SLC12A5: variants seen among roughly 807,000 people sequenced by gnomAD.
SLC12A5 encodes the protein K-Cl cotransporter 2.
Under a neutral mutation model 124.0 loss-of-function variants are expected in SLC12A5, and 18 were observed. The ratio of observed to expected loss-of-function variants is 0.15; its 90% CI spans 0.10 to 0.22. SLC12A5 has a LOEUF of 0.22. Among genes scored for constraint, SLC12A5 ranks in the 10% least tolerant of loss-of-function variants. The pLI, the probability that SLC12A5 is intolerant of heterozygous loss-of-function variation, is 1.00. For synonymous variants in SLC12A5, 589 were observed against 568.0 expected (o/e 1.04, Z -0.53); for missense variants, 867 against 1,478.7 (o/e 0.59, Z 6.78).
chr20:46,046,077 C>T, intron 13 of SLC12A5, 81 bp downstream of exon 13: 2 of 1,335,502 alleles, frequency 1.5e-6, no homozygotes, highest in Non-Finnish European at 2.1e-6. Flanking sequence ...CTGTGACAAC[C>T]CACCCAGACA....
At position 46,040,665 on chromosome 20, in the gene SLC12A5, C is replaced by T. The variant is rs188211025; in HGVS notation, c.854+51C>T. On this transcript the variant is annotated intron_variant, in intron 7 of 25. Transcript: ENST00000243964. ...GGAATCGTCCTCCTACCTCCCTGGC[C>T]CTGTTTCAGAGTCTCTGCCAAACTC... 6 of 1,597,690 alleles carry T rather than the reference C, an allele frequency of 3.8e-6. No homozygotes were observed. In the East Asian group the frequency reaches 1.3e-4, roughly 36 times the overall value.
intron 1 of SLC12A5, among the ~76,000 whole-genome samples, chr20:46,031,256 C>T (rs530069856): frequency 6.6e-6 from 1 of 152,328 alleles, no homozygotes; most frequent in South Asian, 2.1e-4. Flanking sequence ...TCTATCCCCT[C>T]TCCGTTAGTT....
chr20:46,053,037 C>A lies in SLC12A5; in HGVS notation c.2458C>A (p.Arg820Ser). The change falls in exon 19 of 26, where the codon CGC (arginine) becomes AGC (serine). Residue 820 changes from arginine to serine, a missense_variant. Physicochemically the swap from Arg to Ser is moderately radical, Grantham distance 110. This residue lies in a region of SLC12A5 where 110 missense variants were observed against 149.9 expected (regional missense o/e 0.73). Coordinates refer to ENST00000243964, the MANE Select transcript of SLC12A5 (RefSeq NM_020708.5). The surrounding 1 kb of genome is among the most constrained non-coding windows in gnomAD (Gnocchi z 4.7). Reference protein sequence around the residue: ...NVSMFPGNPERFSEGSIDVWW... With the variant: ...NVSMFPGNPESFSEGSIDVWW... ...TTCCATGTTTCCTGGGAACCCTGAG[C>A]GCTTCTCTGAGGGCAGCATCGACGT... 2 of 1,614,164 alleles carry A rather than the reference C, an allele frequency of 1.2e-6. No homozygotes were observed.
chr20:46,035,166 T>C, intron 2 of SLC12A5, 124 bp downstream of exon 2: 1 of 1,083,824 alleles, frequency 9.2e-7, no homozygotes, highest in Admixed American at 1.9e-5. Flanking sequence ...TCTACCTTCT[T>C]CCTTGAGCCT....
At chr20:46,044,759 G>A (rs1350619716) in intron 11 of SLC12A5, 2 of 603,562 alleles carry the variant, frequency 3.3e-6, no homozygotes, top group East Asian at 2.9e-5. Context: ...GACAGGCCTA[G>A]AGGCCTGGTT....
At chr20:46,048,162 C>T (rs1185384829) in intron 16 of SLC12A5, 77 bp downstream of exon 16, 4 of 1,308,924 alleles carry the variant, frequency 3.1e-6, no homozygotes, top group East Asian at 2.5e-5. Flanking sequence ...GGGAAGGGAG[C>T]AGGGCCTGAC....
chr20:46,046,535 A>T (rs1295265933), intron 14 of SLC12A5, 99 bp downstream of exon 14: 1 of 1,006,736 alleles, frequency 9.9e-7, no homozygotes, highest in African/African-American at 1.6e-5. Context: ...TAAGGACCCC[A>T]AACCTGAAGA....
At chr20:46,031,460 T>A (rs541132578) in intron 1 of SLC12A5, among the ~76,000 whole-genome samples, 2 of 152,090 alleles carry the variant, frequency 1.3e-5, no homozygotes, top group Non-Finnish European at 2.9e-5. Context: ...GAGAGGACCA[T>A]CAGGCCAAGA....
At position 46,043,865 on chromosome 20, in the gene SLC12A5, C is replaced by T; in HGVS notation, c.1337-11C>T. The T allele has an allele frequency of 6.2e-7, 1 of 1,613,738 alleles. No homozygotes were observed. Among genetic ancestry groups the T allele is most frequent in the Non-Finnish European group, 8.5e-7 (1 of 1,179,844 alleles). On this transcript the variant is annotated splice_polypyrimidine_tract_variant and intron_variant, in intron 10 of 25. Coordinates refer to ENST00000243964, the MANE Select transcript of SLC12A5 (RefSeq NM_020708.5). ...TGAACCGTGGGGATTCTCCTTTATC[C>T]TCTGCTGCAGACATCAGCTCCGTTG...
intron 6 of SLC12A5, among the ~76,000 whole-genome samples, chr20:46,037,827 G>T (rs138893182): frequency 6.6e-6 from 1 of 152,348 alleles, no homozygotes; most frequent in Non-Finnish European, 1.5e-5. Flanking sequence ...ACCATTGTGT[G>T]ATTGCCTCCC....
rs771087033 is a variant in SLC12A5 at position 46,057,463 on chromosome 20, A to G, written c.3260-51A>G. On this transcript the variant is annotated intron_variant, in intron 25 of 25. Transcript: ENST00000243964. The surrounding 1 kb of genome is among the most constrained non-coding windows in gnomAD (Gnocchi z 7.1). Reference sequence around the variant, plus strand: ...CCCCTGGCAGCCGAGCGCGACCCCAATTTCGTCGGGAGGGAAGGAGACCGG... The same window carrying G: ...CCCCTGGCAGCCGAGCGCGACCCCAGTTTCGTCGGGAGGGAAGGAGACCGG... 8.1e-6 allele frequency: 13 copies of G among 1,609,794 alleles called. No individual in the cohort carries two copies. The highest frequency in any genetic ancestry group is 3.3e-5 in the South Asian group (3 of 90,994).
In SLC12A5 at chr20:46,051,824, C is replaced by T. The variant is rs140254670; in HGVS notation, c.2331C>T (p.Arg777=). Residue 777 remains arginine, a synonymous_variant, in exon 18 of 26, where the codon CGC becomes CGT. Transcript: ENST00000243964. ...QHNTVLVGWP[R]NWRQKEDHQT... is the part of the protein sequence containing the mutation. ...ACACTGTGCTTGTTGGCTGGCCCCG[C>T]AACTGGCGCCAGAAGGAAGATCATC... is the stretch of plus-strand genomic sequence containing the variant. The T allele has an allele frequency of 4.0e-6, 6 of 1,495,486 alleles. No homozygotes were observed. The highest frequency in any genetic ancestry group is 5.4e-6 in the Non-Finnish European group (6 of 1,114,782). The allele number at this position is 1,495,486 out of a possible 1,614,324, so 92.6% of individuals were successfully genotyped here.
At position 46,053,781 on chromosome 20, in the gene SLC12A5, C is replaced by T. The variant is rs557914384; in HGVS notation, c.2679+72C>T. ...CTCTTGGCCCCAGCACCAAGTAGGG[C>T]AACTCTAACACCCATCAGCTTATGA... On this transcript the variant is annotated intron_variant, in intron 20 of 25. Transcript: ENST00000243964. This position sits in a 1 kb window ranked among gnomAD's most constrained non-coding sequence, Gnocchi z 4.7. 53 of 1,459,564 alleles carry T rather than the reference C, an allele frequency of 3.6e-5. No individual in the cohort carries two copies. In the South Asian group the frequency reaches 6.6e-4, roughly 18 times the overall value. 90.4% of individuals were successfully genotyped at this position (1,459,564 alleles called of 1,614,324 possible). A position where few individuals can be genotyped will look rare whatever the true frequency, so the allele number is the denominator to read the frequency against.
At chr20:46,028,627 T>C (rs952535120), upstream of SLC12A5, among the ~76,000 whole-genome samples, 3 of 152,042 alleles carry the variant, frequency 2.0e-5, no homozygotes, top group Non-Finnish European at 4.4e-5. Context: ...GGCCCTGGGC[T>C]CTACATGCCT....
In SLC12A5 at chr20:46,056,300, A is replaced by G. The variant is rs755487096; in HGVS notation, c.2910+28A>G. 11 of 1,613,754 alleles carry G rather than the reference A, an allele frequency of 6.8e-6. No homozygotes were observed. The highest frequency in any genetic ancestry group is 1.1e-5 in the South Asian group (1 of 91,036). On this transcript the variant is annotated intron_variant, in intron 22 of 25. Transcript: ENST00000243964. This position sits in a 1 kb window ranked among gnomAD's most constrained non-coding sequence, Gnocchi z 4.3. The stretch of plus-strand genomic sequence containing the variant: ...GTGCAGCTTGGGTGGTTTGGCCCCA[A>G]CCAGTGGGAGCAGAGCCCTTGGCCT...
At chr20:46,024,040 G>A (rs180776418), downstream of SLC12A5, among the ~76,000 whole-genome samples, 188 of 152,166 alleles carry the variant, frequency 1.2e-3, no homozygotes, top group African/African-American at 4.3e-3. Flanking sequence ...CTCAGATGCC[G>A]GTACTCACAC....
In SLC12A5 at chr20:46,056,415, G is replaced by T; in HGVS notation, c.2961G>T (p.Pro987=). Residue 987 remains proline, a synonymous_variant, in exon 23 of 26, where the codon CCG becomes CCT. Coordinates refer to ENST00000243964, the MANE Select transcript of SLC12A5 (RefSeq NM_020708.5). The surrounding 1 kb of genome is among the most constrained non-coding windows in gnomAD (Gnocchi z 4.3). ...CTCCCAGCTGCCCCAGCAGCTCCCCGTCCCCAGGGGAGGAGCCTGAGGGGG... is the reference window on the plus strand; with the variant it reads ...CTCCCAGCTGCCCCAGCAGCTCCCCTTCCCCAGGGGAGGAGCCTGAGGGGG... The part of the protein sequence containing the change: ...QSAPSCPSSS[P]SPGEEPEGEG... 2 of 1,613,698 alleles carry T rather than the reference G, an allele frequency of 1.2e-6. No homozygotes were observed. The highest frequency in any genetic ancestry group is 8.5e-7 in the Non-Finnish European group (1 of 1,179,750).
At position 46,041,518 on chromosome 20, in the gene SLC12A5, T is replaced by C; in HGVS notation, c.1044T>C (p.Gly348=). The change falls in exon 8 of 26, where the codon GGT becomes GGC. Residue 348 remains glycine (G), a synonymous_variant. Coordinates refer to ENST00000243964, the MANE Select transcript of SLC12A5 (RefSeq NM_020708.5). Reference sequence around the variant, plus strand: ...TCACAGAGATCCAGGGCATCCCTGGTGCTGCCAGTGGCCTCATCAAAGGTC... The same window carrying C: ...TCACAGAGATCCAGGGCATCCCTGGCGCTGCCAGTGGCCTCATCAAAGGTC... ...NNVTEIQGIP[G]AASGLIKENL... 1 of 1,614,020 alleles carries C rather than the reference T, an allele frequency of 6.2e-7. No homozygotes were observed. Among genetic ancestry groups the C allele is most frequent in the Non-Finnish European group, 8.5e-7 (1 of 1,179,986 alleles).
chr20:46,027,374 T>G (rs868580002), upstream of SLC12A5, among the ~76,000 whole-genome samples: 2 of 152,208 alleles, frequency 1.3e-5, no homozygotes, highest in South Asian at 2.1e-4. Flanking sequence ...TGCTGAAAAC[T>G]CCACGGTTGA....
Sources: allele counts gnomAD v4.1 joint callset (sites outside exome capture counted in the v4.1 genomes callset), GRCh38; gene constraint gnomAD v4.1.1; regional missense constraint gnomAD v4.1.1; non-coding constraint Gnocchi (gnomAD v3.1); transcripts MANE v1.5; gene names NCBI Gene and HGNC (gene_info 2026-07-23, HGNC 2026-07-21).